FYB2: variants seen among roughly 807,000 people sequenced by gnomAD.
FYB2 encodes the protein FYN-binding protein 2.
Under a neutral mutation model 94.1 loss-of-function variants are expected in FYB2, and 103 were observed. That is an observed-to-expected ratio of 1.09 (90% confidence interval 0.93 to 1.29). The LOEUF is 1.29. Among genes scored for constraint, FYB2 ranks in the 50% most tolerant of loss-of-function variants. The pLI is 0.00. For missense variants in FYB2, 896 were observed against 841.5 expected, an observed-to-expected ratio of 1.06 and a Z score of -0.80; for synonymous variants, 293 against 287.9, an observed-to-expected ratio of 1.02 and a Z score of -0.18.
intron 15 of FYB2, among the ~76,000 whole-genome samples, chr1:56,727,219 G>A (rs747127707): frequency 9.9e-5 from 15 of 152,164 alleles, no homozygotes; most frequent in Non-Finnish European, 1.8e-4. Flanking sequence ...ACAGTACAAG[G>A]GAGGAAATGG....
intron 1 of FYB2, among the ~76,000 whole-genome samples, chr1:56,803,965 C>T (rs1015902275): frequency 6.6e-6 from 1 of 152,194 alleles, no homozygotes; most frequent in South Asian, 2.1e-4. Context: ...CCTGGCTGTG[C>T]ATGGGAATAT....
In FYB2 at chr1:56,787,168, T is replaced by C. The variant is rs757013306; in HGVS notation, c.953+7A>G. ...CGTTCCTACACAACTAAGGAGCATG[T>C]ACTTACCTCTCTGGAGACAGGGAGC... On this transcript the variant is annotated splice_region_variant and intron_variant, in intron 4 of 19. Transcript: ENST00000343433. 3.7e-6 allele frequency: 6 copies of C among 1,613,774 alleles called. No individual in the cohort carries two copies. Among genetic ancestry groups the C allele is most frequent in the Admixed American group, 3.3e-5 (2 of 60,006 alleles).
Position 56,792,627 on chromosome 1 carries a change from G to T in FYB2, c.186C>A (p.Arg62=), listed in dbSNP as rs149224198. The change falls in exon 2 of 20, where the codon CGC becomes CGA. Residue 62 remains arginine (R), a synonymous_variant. Transcript: ENST00000343433. ...GKPLSSNHKQ[R]TPYCSSSESQ... is the part of the protein sequence containing the mutation. Reference sequence around the variant, plus strand: ...ACTCACTACTGGAACAGTATGGTGTGCGCTGCTTGTGGTTGGATGAGAGGG... The same window carrying T: ...ACTCACTACTGGAACAGTATGGTGTTCGCTGCTTGTGGTTGGATGAGAGGG... The T allele has an allele frequency of 2.5e-6, 4 of 1,613,948 alleles. No individual in the cohort carries two copies. The African/African-American group carries it at 5.3e-5, about 22-fold the overall frequency.
intron 4 of FYB2, among the ~76,000 whole-genome samples, chr1:56,783,104 T>C (rs376421377): frequency 6.6e-6 from 1 of 152,184 alleles, no homozygotes; most frequent in African/African-American, 2.4e-5. Context: ...GAGACATTAA[T>C]ATTTCAGAGG....
At chr1:56,734,746 G>A (rs929333306) in intron 15 of FYB2, among the ~76,000 whole-genome samples, 2 of 151,872 alleles carry the variant, frequency 1.3e-5, no homozygotes, top group African/African-American at 4.8e-5. Context: ...AAACCAACAT[G>A]GCACACATGT....
chr1:56,743,892 T>C (rs1014957282), intron 11 of FYB2, 134 bp downstream of exon 11: 1 of 870,600 alleles, frequency 1.1e-6, no homozygotes. Flanking sequence ...CATATCTTGG[T>C]ATTGCTTCTC....
rs1325777572 is a variant in FYB2 at position 56,720,301 on chromosome 1, G to C, written c.2003C>G (p.Thr668Arg). 3 of 1,608,622 alleles carry C rather than the reference G, an allele frequency of 1.9e-6. No homozygotes were observed. Among genetic ancestry groups the C allele is most frequent in the Non-Finnish European group, 2.5e-6 (3 of 1,177,898 alleles). The change falls in exon 18 of 20, where the codon ACA (threonine) becomes AGA (arginine). Residue 668 changes from threonine to arginine, a missense_variant. Physicochemically the swap from Thr to Arg is moderately conservative, Grantham distance 71 (BLOSUM62 -1). Coordinates refer to ENST00000343433, the MANE Select transcript of FYB2 (RefSeq NM_001004303.5). ...TGAATTATTGGAACAGGCCACTGCT[G>C]TATTGATGACAATAATCTCTTTGTC... The part of the protein sequence containing the change: ...KYDKEIIVIN[T>R]AVACSNNSRN...
In FYB2 at chr1:56,795,864, A is replaced by C. The variant is rs1181444219; in HGVS notation, c.10-3061T>G. On this transcript the variant is annotated intron_variant, in intron 1 of 19. Transcript: ENST00000343433. ...TAACCTCCAAACCAAGGTCCTGTGC[A>C]AGGATCACTAGTTCAGCGGGGAGCA... is the stretch of plus-strand genomic sequence containing the variant. Among the ~76,000 whole-genome samples the C allele has an allele frequency of 5.9e-5, 9 of 152,214 alleles. No homozygotes were observed. The East Asian group carries it at 1.7e-3, about 29-fold the overall frequency.
intron 17 of FYB2, chr1:56,720,898 A>C (rs1012120930): frequency 1.3e-5 from 2 of 152,332 alleles, no homozygotes; most frequent in African/African-American, 4.8e-5. Flanking sequence ...CTGTTCCATT[A>C]CTAAAACCTC....
rs1644445724 is a variant in FYB2, at chr1:56,719,534, T to C, written c.*137A>G. 2.2e-5 allele frequency: 16 copies of C among 716,142 alleles called. No individual in the cohort carries two copies. Among genetic ancestry groups the C allele is most frequent in the Non-Finnish European group, 1.6e-5 (7 of 447,936 alleles). The allele number at this position is 716,142 out of a possible 1,614,324, so 44.4% of individuals were successfully genotyped here. On this transcript the variant is annotated 3_prime_UTR_variant, in exon 20 of 20. Transcript: ENST00000343433. ...AGGATTTGTTTTTATTTTTCTCTTT[T>C]AAGTTCAGAACGAAAGTTTCCACAG... is the stretch of plus-strand genomic sequence containing the variant.
In FYB2 at chr1:56,732,749, T is replaced by C. The variant is rs529483874; in HGVS notation, c.1793+4338A>G. On this transcript the variant is annotated intron_variant, in intron 15 of 19. Coordinates refer to ENST00000343433, the MANE Select transcript of FYB2 (RefSeq NM_001004303.5). ...GGGGAAGTACAGTCTTTTCAGTAAA[T>C]GGTGCTAGGAAAACTGGATATCCAT... Among the ~76,000 whole-genome samples the C allele has an allele frequency of 1.5e-3, 222 of 152,174 alleles. 2 individuals are homozygous for C. Among genetic ancestry groups the C allele is most frequent in the African/African-American group, 5.0e-3 (207 of 41,538 alleles).
intron 4 of FYB2, among the ~76,000 whole-genome samples, chr1:56,772,713 C>A (rs1645787008): frequency 6.6e-6 from 1 of 152,072 alleles, no homozygotes; most frequent in Admixed American, 6.6e-5. Context: ...TTATAAAGAA[C>A]TGGGTAAATA....
intron 9 of FYB2, among the ~76,000 whole-genome samples, chr1:56,745,300 G>A (rs1366826204): frequency 1.3e-5 from 2 of 151,996 alleles, no homozygotes; most frequent in South Asian, 2.1e-4. Flanking sequence ...CATCTCTCAT[G>A]AATTCCAGAT....
At chr1:56,743,796 T>G (rs1293783581) in intron 11 of FYB2, among the ~76,000 whole-genome samples, 1 of 152,076 alleles carries the variant, frequency 6.6e-6, no homozygotes, top group Non-Finnish European at 1.5e-5. Flanking sequence ...AAACTCACTT[T>G]TACCATAAGA....
intron 1 of FYB2, among the ~76,000 whole-genome samples, chr1:56,804,922 C>T (rs1269438568): frequency 1.3e-5 from 2 of 152,146 alleles, no homozygotes; most frequent in South Asian, 2.1e-4. Context: ...CACTTCCTGC[C>T]TCTAACTCAC....
At chr1:56,806,857 T>C (rs556552519) in intron 1 of FYB2, among the ~76,000 whole-genome samples, 10 of 152,302 alleles carry the variant, frequency 6.6e-5, no homozygotes, top group African/African-American at 2.4e-4. Context: ...GGGCCATATA[T>C]ACCCTCAGGT....
At chr1:56,764,214 A>G (rs1645569117) in intron 5 of FYB2, among the ~76,000 whole-genome samples, 1 of 152,140 alleles carries the variant, frequency 6.6e-6, no homozygotes, top group South Asian at 2.1e-4. Flanking sequence ...TCGGCCTTCC[A>G]GAGTGCTGGG....
chr1:56,722,370 G>T (rs763800341), intron 17 of FYB2, among the ~76,000 whole-genome samples: 1 of 152,040 alleles, frequency 6.6e-6, no homozygotes, highest in African/African-American at 2.4e-5. Flanking sequence ...AATAACCATT[G>T]TCCTCTAGGA....
At chr1:56,803,065 C>A (rs952494806) in intron 1 of FYB2, among the ~76,000 whole-genome samples, 3 of 152,104 alleles carry the variant, frequency 2.0e-5, no homozygotes, top group African/African-American at 7.2e-5. Flanking sequence ...GTTTCAGCAC[C>A]AATTTAGGTC....
Sources: allele counts gnomAD v4.1 joint callset (sites outside exome capture counted in the v4.1 genomes callset), GRCh38; gene constraint gnomAD v4.1.1; transcripts MANE v1.5; gene names NCBI Gene and HGNC (gene_info 2026-07-23, HGNC 2026-07-21).